The following TMEM30A variants were observed in gnomAD, a reference collection of about 807,000 sequenced individuals.
TMEM30A encodes the protein cell division cycle 50 P4-ATPase accessory subunit A.
Under a neutral mutation model 38.2 loss-of-function variants are expected in TMEM30A, and 24 were observed. The ratio of observed to expected loss-of-function variants is 0.63; its 90% CI spans 0.46 to 0.88. The LOEUF (loss-of-function observed/expected upper bound fraction) is 0.88. TMEM30A is among the 40% of genes least tolerant of loss of function. TMEM30A has a pLI of 0.00. For missense variants in TMEM30A, 370 were observed against 458.6 expected (o/e 0.81, Z 1.77); for synonymous variants, 145 against 161.6 (o/e 0.90, Z 0.78).
intron 6 of TMEM30A, chr6:75,256,845 G>T: frequency 2.2e-6 from 1 of 449,068 alleles, no homozygotes; most frequent in Non-Finnish European, 4.5e-6. Flanking sequence ...ACAGCTGATA[G>T]CTAACAGTGG....
chr6:75,283,239 C>T (rs1046011337), intron 1 of TMEM30A, among the ~76,000 whole-genome samples: 8 of 151,888 alleles, frequency 5.3e-5, no homozygotes, highest in African/African-American at 1.9e-4. Context: ...GAACCCCATC[C>T]CTATTTCAGT....
At chr6:75,272,456 G>A (rs2149522556) in intron 1 of TMEM30A, 1 of 152,296 alleles carries the variant, frequency 6.6e-6, no homozygotes. Context: ...GTTCTCCCTT[G>A]CACTTACCTA....
intron 1 of TMEM30A, among the ~76,000 whole-genome samples, chr6:75,275,760 T>C (rs1406785667): frequency 6.6e-6 from 1 of 152,238 alleles, no homozygotes; most frequent in Non-Finnish European, 1.5e-5. Flanking sequence ...CCCTGTGTGA[T>C]ATTGTGATTT....
chr6:75,256,068 G>A lies in TMEM30A; in HGVS notation c.*34C>T. The A allele has an allele frequency of 1.3e-6, 2 of 1,486,422 alleles. No homozygotes were observed. The highest frequency in any genetic ancestry group is 1.2e-5 in the South Asian group (1 of 83,550). The allele number at this position is 1,486,422 out of a possible 1,614,324, so 92.1% of individuals were successfully genotyped here. A position where few individuals can be genotyped will look rare whatever the true frequency, so the allele number is the denominator to read the frequency against. On this transcript the variant is annotated 3_prime_UTR_variant, in exon 7 of 7. Transcript: ENST00000230461. ...TAGGTTGAATAGGACTGGCCTTGAT[G>A]CACATGCAGATGATTTGCTTTCATA...
In TMEM30A at chr6:75,284,427, G is replaced by A. The variant is rs1195592604; in HGVS notation, c.212C>T (p.Thr71Ile). The change falls in exon 1 of 7, where the codon ACC (threonine) becomes ATC (isoleucine). Residue 71 changes from threonine to isoleucine, a missense_variant. Thr to Ile is a moderately conservative substitution (Grantham distance 89, BLOSUM62 -1). Transcript: ENST00000230461. ...FIPIGIGIFVTSNNIREIEID... is the reference protein window; with the variant it reads ...FIPIGIGIFVISNNIREIEID... Reference sequence around the variant, plus strand: ...CTCGATCTCGCGGATGTTGTTGGAGGTGACAAAAATGCCAATGCCGATGGG... The same window carrying A: ...CTCGATCTCGCGGATGTTGTTGGAGATGACAAAAATGCCAATGCCGATGGG... 1 of 1,613,970 alleles carries A rather than the reference G, an allele frequency of 6.2e-7. No individual in the cohort carries two copies. The highest frequency in any genetic ancestry group is 1.3e-5 in the African/African-American group (1 of 74,896).
chr6:75,256,002 C>T lies in TMEM30A; in HGVS notation c.*100G>A. 1.2e-6 allele frequency: 1 copy of T among 822,332 alleles called. No homozygotes were observed. Among genetic ancestry groups the T allele is most frequent in the Non-Finnish European group, 1.8e-6 (1 of 548,008 alleles). 50.9% of individuals were successfully genotyped at this position (822,332 alleles called of 1,614,324 possible). Reference sequence around the variant, plus strand: ...TTTTTTTAGAAAAGTTATGTGCCAACTTCAAAATGACATACTAACCAGATA... The same window carrying T: ...TTTTTTTAGAAAAGTTATGTGCCAATTTCAAAATGACATACTAACCAGATA... On this transcript the variant is annotated 3_prime_UTR_variant, in exon 7 of 7. Coordinates refer to ENST00000230461, the MANE Select transcript of TMEM30A (RefSeq NM_018247.4).
intron 1 of TMEM30A, among the ~76,000 whole-genome samples, chr6:75,274,148 T>C (rs570461654): frequency 6.6e-6 from 1 of 152,210 alleles, no homozygotes; most frequent in Admixed American, 6.5e-5. Context: ...AGACTTTCCA[T>C]GTTAATAGGA....
At chr6:75,275,984 G>T (rs955139679) in intron 1 of TMEM30A, among the ~76,000 whole-genome samples, 4 of 152,186 alleles carry the variant, frequency 2.6e-5, no homozygotes, top group African/African-American at 9.6e-5. Context: ...ACTGAAGGTT[G>T]AGTCCCAGGA....
chr6:75,284,213 G>C, intron 1 of TMEM30A, 189 bp downstream of exon 1: 1 of 656,498 alleles, frequency 1.5e-6, no homozygotes, highest in Non-Finnish European at 2.7e-6. Context: ...ACAAAGCTAG[G>C]ACAAACCTGC....
intron 5 of TMEM30A, 125 bp downstream of exon 5, chr6:75,259,222 T>G: frequency 9.3e-7 from 1 of 1,070,878 alleles, no homozygotes. Flanking sequence ...TAACTTGGTA[T>G]GAAGCTGAGG....
At chr6:75,272,538 G>C (rs1202541917) in intron 1 of TMEM30A, 1 of 152,254 alleles carries the variant, frequency 6.6e-6, no homozygotes, top group Non-Finnish European at 1.5e-5. Flanking sequence ...CCAGCCAATG[G>C]ATGCAGGATA....
rs142597516 is a variant in TMEM30A at position 75,284,474 on chromosome 6, G to A, written c.165C>T (p.Phe55=). 3.3e-4 allele frequency: 531 copies of A among 1,613,770 alleles called. No individual in the cohort carries two copies. Among genetic ancestry groups the A allele is most frequent in the Non-Finnish European group, 3.3e-4 (395 of 1,179,820 alleles). ...LTAGTVLPIF[F]IIGLIFIPIG... is the part of the protein sequence containing the mutation. ...TGGGAATGAAGATGAGACCGATGAT[G>A]AAGAAAATAGGTAGCACCGTGCCAG... Residue 55 remains phenylalanine, a synonymous_variant, in exon 1 of 7, where the codon TTC becomes TTT. Transcript: ENST00000230461.
chr6:75,258,003 A>G (rs1015075457), intron 6 of TMEM30A, among the ~76,000 whole-genome samples: 2 of 152,228 alleles, frequency 1.3e-5, no homozygotes, highest in African/African-American at 4.8e-5. Flanking sequence ...GACTGCATCT[A>G]TGCAGATATG....
At position 75,254,217 on chromosome 6, in the gene TMEM30A, G is replaced by A. The variant is rs923898418; in HGVS notation, c.*1885C>T. 6 of 151,978 alleles carry A rather than the reference G, an allele frequency of 3.9e-5. No homozygotes were observed. The highest frequency in any genetic ancestry group is 2.1e-4 in the South Asian group (1 of 4,822). 9.4% of individuals were successfully genotyped at this position (151,978 alleles called of 1,614,324 possible). A position where few individuals can be genotyped will look rare whatever the true frequency, so the allele number is the denominator to read the frequency against. ...AAGGGCTCTTCAACTTTTCTTTAGC[G>A]ACATCCTCTGTGCCCCAGTTAGAAA... On this transcript the variant is annotated 3_prime_UTR_variant, in exon 7 of 7. Transcript: ENST00000230461.
chr6:75,256,689 A>G (rs887196907), intron 6 of TMEM30A: 1 of 426,196 alleles, frequency 2.3e-6, no homozygotes, highest in African/African-American at 2.1e-5. Flanking sequence ...ATCAGGAACT[A>G]GAAGTCTCCA....
At chr6:75,284,085 G>C (rs1459449033) in intron 1 of TMEM30A, 60 of 227,968 alleles carry the variant, frequency 2.6e-4, no homozygotes, top group South Asian at 7.7e-4. Context: ...AATCCCCCAC[G>C]GAACCACACA....
chr6:75,281,592 A>C (rs1052926119), intron 1 of TMEM30A, among the ~76,000 whole-genome samples: 1 of 152,148 alleles, frequency 6.6e-6, no homozygotes, highest in African/African-American at 2.4e-5. Context: ...GACACTTTTC[A>C]AAAGTAGTAA....
At chr6:75,282,383 T>G (rs1050856439) in intron 1 of TMEM30A, among the ~76,000 whole-genome samples, 5 of 152,162 alleles carry the variant, frequency 3.3e-5, no homozygotes, top group African/African-American at 1.2e-4. Context: ...CTTATTTTAC[T>G]CCAAAACCCA....
Position 75,256,200 on chromosome 6 carries a change from T to C in TMEM30A, c.988A>G (p.Ile330Val). 1 of 1,613,610 alleles carries C rather than the reference T, an allele frequency of 6.2e-7. No individual in the cohort carries two copies. Among genetic ancestry groups the C allele is most frequent in the Non-Finnish European group, 8.5e-7 (1 of 1,179,604 alleles). The part of the protein sequence containing the change: ...GKNPFLGIAY[I>V]AVGSISFLLG... ...AGGAAGGAGATGGATCCAACAGCGATGTAAGCAATCCCCAAAAATGGATTT... is the reference window on the plus strand; with the variant it reads ...AGGAAGGAGATGGATCCAACAGCGACGTAAGCAATCCCCAAAAATGGATTT... The change falls in exon 7 of 7, where the codon ATC (isoleucine) becomes GTC (valine). Residue 330 changes from isoleucine to valine, a missense_variant. Transcript: ENST00000230461.
Sources: allele counts gnomAD v4.1 joint callset (sites outside exome capture counted in the v4.1 genomes callset), GRCh38; gene constraint gnomAD v4.1.1; transcripts MANE v1.5; gene names NCBI Gene and HGNC (gene_info 2026-07-23, HGNC 2026-07-21).